The following OPTC variants were observed in gnomAD, a reference collection of about 807,000 sequenced individuals.
The protein encoded by OPTC is opticin.
OPTC carries 22 observed loss-of-function variants against 25.4 expected under a neutral mutation model. The observed-to-expected ratio is 0.87, with a 90% CI of 0.62 to 1.24. The LOEUF (loss-of-function observed/expected upper bound fraction) is 1.24, where lower values mean the gene tolerates loss of function less well. Ranked by LOEUF, OPTC falls within the 50% of genes most tolerant of loss-of-function variation. The pLI, the probability that OPTC is intolerant of heterozygous loss-of-function variation, is 0.00. For synonymous variants in OPTC, 169 were observed against 179.3 expected (o/e 0.94, Z 0.46); for missense variants, 417 against 425.2 (o/e 0.98, Z 0.17).
At chr1:203,504,236 ATATAT>A (rs754151482) in intron 7 of OPTC, among the ~76,000 whole-genome samples, 32 of 152,340 alleles carry the variant, frequency 2.1e-4, no homozygotes, top group South Asian at 6.2e-4. Context: ...TCACAATTAA[ATATAT>A]TATATTGAAA....
rs1340547162 is a variant in OPTC at position 203,508,634 on chromosome 1, C to G, written c.*26-12C>G. The G allele has an allele frequency of 6.6e-6, 1 of 151,806 alleles. No homozygotes were observed. Among genetic ancestry groups the G allele is most frequent in the African/African-American group, 2.4e-5 (1 of 41,240 alleles). 9.4% of individuals were successfully genotyped at this position (151,806 alleles called of 1,614,324 possible). ...AGACACCAGCTCAATTTTGTCTCTC[C>G]TCTCTCTCAAGGTCATCTCTTGGAC... On this transcript the variant is annotated splice_polypyrimidine_tract_variant and intron_variant, in intron 7 of 7. Transcript: ENST00000367222.
rs1352798269 is a variant in OPTC, at chr1:203,508,775, GC to G, written c.*156del. ...GAGGAGGCCTGCTTCTTTCCCCACAGCTCTCACGTCTCCCTTCTCCCTGCGG... is the reference window on the plus strand; with the variant it reads ...GAGGAGGCCTGCTTCTTTCCCCACAGTCTCACGTCTCCCTTCTCCCTGCGG... On this transcript the variant is annotated 3_prime_UTR_variant, in exon 8 of 8. Coordinates refer to ENST00000367222, the MANE Select transcript of OPTC (RefSeq NM_014359.4). The G allele has an allele frequency of 6.6e-6, 1 of 152,176 alleles. No homozygotes were observed. Among genetic ancestry groups the G allele is most frequent in the Non-Finnish European group, 1.5e-5 (1 of 68,056 alleles). The allele number at this position is 152,176 out of a possible 1,614,324, so 9.4% of individuals were successfully genotyped here. A position where few individuals can be genotyped will look rare whatever the true frequency, so the allele number is the denominator to read the frequency against.
intron 7 of OPTC, 118 bp downstream of exon 7, chr1:203,503,863 A>G: frequency 6.9e-6 from 6 of 864,556 alleles, no homozygotes; most frequent in Non-Finnish European, 1.1e-5. Flanking sequence ...CCTTGCAAAT[A>G]TCACACACAT....
In OPTC at chr1:203,497,101, C is replaced by T. The variant is rs199927981; in HGVS notation, c.356C>T (p.Ser119Phe). The change falls in exon 3 of 8, where the codon TCC becomes TTC. Residue 119 changes from serine (S) to phenylalanine (F), a missense_variant. Ser to Phe is a radical substitution (Grantham distance 155, BLOSUM62 -2). Coordinates refer to ENST00000367222, the MANE Select transcript of OPTC (RefSeq NM_014359.4). Reference sequence around the variant, plus strand: ...ACTACAGCAGGGCTGCTACTGAGTTCCCAGCCCAACCATGGTAAGTGCACA... The same window carrying T: ...ACTACAGCAGGGCTGCTACTGAGTTTCCAGCCCAACCATGGTAAGTGCACA... ...RPTTAGLLLS[S>F]QPNHGLPTCL... 1 of 1,614,012 alleles carries T rather than the reference C, an allele frequency of 6.2e-7. No individual in the cohort carries two copies. The highest frequency in any genetic ancestry group is 8.5e-7 in the Non-Finnish European group (1 of 1,180,012).
At chr1:203,508,120 G>C (rs1478549912) in intron 7 of OPTC, among the ~76,000 whole-genome samples, 1 of 152,180 alleles carries the variant, frequency 6.6e-6, no homozygotes, top group Admixed American at 6.5e-5. Context: ...ATCTATAACA[G>C]AAAAAGAAAG....
rs770460182 is a variant in OPTC at position 203,502,956 on chromosome 1, C to A, written c.775C>A (p.Leu259Met). The A allele has an allele frequency of 1.2e-5, 19 of 1,613,992 alleles. No individual in the cohort carries two copies. The highest frequency in any genetic ancestry group is 1.6e-5 in the Non-Finnish European group (19 of 1,180,032). Residue 259 changes from leucine (L) to methionine (M), a missense_variant, in exon 6 of 8, where the codon CTG becomes ATG. Physicochemically the swap from Leu to Met is conservative, Grantham distance 15. Coordinates refer to ENST00000367222, the MANE Select transcript of OPTC (RefSeq NM_014359.4). ...LQFLYLSDNL[L>M]DSIPGPLPLS... ...GTTCCTTTACCTGTCAGACAACCTG[C>A]TGGATTCTATCCCGGGGCCTTTGCC...
intron 7 of OPTC, among the ~76,000 whole-genome samples, chr1:203,504,580 C>T (rs1661446625): frequency 6.6e-6 from 1 of 152,244 alleles, no homozygotes; most frequent in Non-Finnish European, 1.5e-5. Context: ...CCTACCTGCA[C>T]ACCATCCTAC....
chr1:203,497,184 G>A, intron 3 of OPTC, 69 bp downstream of exon 3: 9 of 1,578,738 alleles, frequency 5.7e-6, no homozygotes, highest in Non-Finnish European at 7.8e-6. Flanking sequence ...CCAGCACCAG[G>A]GGGTACCAAA....
intron 3 of OPTC, among the ~76,000 whole-genome samples, chr1:203,497,331 G>A (rs1661296938): frequency 6.6e-6 from 1 of 152,206 alleles, no homozygotes; most frequent in African/African-American, 2.4e-5. Context: ...ACTTTTGCCT[G>A]AATGTACAAG....
intron 7 of OPTC, among the ~76,000 whole-genome samples, chr1:203,506,703 G>A (rs1370152879): frequency 2.0e-5 from 3 of 152,180 alleles, no homozygotes; most frequent in Non-Finnish European, 2.9e-5. Context: ...AAACCCTAGT[G>A]AGTAGGGATG....
chr1:203,502,914 G>A lies in OPTC; in HGVS notation c.733G>A (p.Ala245Thr). The A allele has an allele frequency of 6.2e-7, 1 of 1,612,760 alleles. No homozygotes were observed. The highest frequency in any genetic ancestry group is 8.5e-7 in the Non-Finnish European group (1 of 1,178,950). Residue 245 changes from alanine (A) to threonine (T), a missense_variant and splice_region_variant, in exon 6 of 8, where the codon GCA becomes ACA. Coordinates refer to ENST00000367222, the MANE Select transcript of OPTC (RefSeq NM_014359.4). Reference sequence around the variant, plus strand: ...CCTACACTCTTTGCTTTCTCCACAGGCAATGGAGAAGCTGCAGTTCCTTTA... The same window carrying A: ...CCTACACTCTTTGCTTTCTCCACAGACAATGGAGAAGCTGCAGTTCCTTTA... ...SSGIQPAAFR[A>T]MEKLQFLYLS... is the part of the protein sequence containing the mutation.
rs756963243 is a variant in OPTC at position 203,499,642 on chromosome 1, C to T, written c.530-7C>T. ...TTCTCTCTTTGTTCTCCCCTAACCTCTCTCAGCAAAGTTGAAGAGGATTGA... is the reference window on the plus strand; with the variant it reads ...TTCTCTCTTTGTTCTCCCCTAACCTTTCTCAGCAAAGTTGAAGAGGATTGA... On this transcript the variant is annotated splice_region_variant and splice_polypyrimidine_tract_variant and intron_variant, in intron 4 of 7. Transcript: ENST00000367222. 12 of 1,612,600 alleles carry T rather than the reference C, an allele frequency of 7.4e-6. No individual in the cohort carries two copies. The East Asian group carries it at 2.7e-4, about 36-fold the overall frequency.
chr1:203,498,632 C>T, intron 3 of OPTC, 49 bp from the exon 4 acceptor site: 1 of 1,612,408 alleles, frequency 6.2e-7, no homozygotes, highest in Non-Finnish European at 8.5e-7. Flanking sequence ...GGCCATTGGC[C>T]CCAGAGGCTA....
intron 2 of OPTC, 23 bp downstream of exon 2, chr1:203,496,259 T>C: frequency 6.4e-7 from 1 of 1,559,934 alleles, no homozygotes; most frequent in Non-Finnish European, 8.8e-7. Context: ...GCAGACCAAC[T>C]ACATTCCCTG....
At chr1:203,506,493 G>C (rs2102227595) in intron 7 of OPTC, among the ~76,000 whole-genome samples, 1 of 151,478 alleles carries the variant, frequency 6.6e-6, no homozygotes, top group African/African-American at 2.4e-5. Context: ...AAAAAAAAAA[G>C]GTTTTCCAGA....
chr1:203,506,441 A>T (rs1263123810), intron 7 of OPTC, among the ~76,000 whole-genome samples: 9 of 148,866 alleles, frequency 6.0e-5, no homozygotes, highest in African/African-American at 2.0e-4. Context: ...GTGAGCCACC[A>T]CTCCTGGCCG....
chr1:203,494,693 A>T (rs1661250417), intron 1 of OPTC, among the ~76,000 whole-genome samples: 1 of 152,192 alleles, frequency 6.6e-6, no homozygotes, highest in South Asian at 2.1e-4. Flanking sequence ...AAAATTTTAA[A>T]AGAAAGAAAG....
chr1:203,499,584 C>T (rs1274647798), intron 4 of OPTC, 65 bp from the exon 5 acceptor site: 3 of 1,414,534 alleles, frequency 2.1e-6, no homozygotes, highest in Non-Finnish European at 3.0e-6. Context: ...GAGACAGCTC[C>T]AACCTGGACA....
intron 4 of OPTC, among the ~76,000 whole-genome samples, chr1:203,499,067 G>C (rs145525615): frequency 1.8e-4 from 27 of 152,324 alleles, no homozygotes; most frequent in African/African-American, 5.5e-4. Flanking sequence ...AAAAACGTCT[G>C]GGAAGCTGGG....
Sources: allele counts gnomAD v4.1 joint callset (sites outside exome capture counted in the v4.1 genomes callset), GRCh38; gene constraint gnomAD v4.1.1; transcripts MANE v1.5; gene names NCBI Gene and HGNC (gene_info 2026-07-23, HGNC 2026-07-21).